Variants in NXN observed in about 807,000 individuals in gnomAD.
NXN encodes the protein nucleoredoxin.
NXN carries 16 observed loss-of-function variants against 48.6 expected under a neutral mutation model. The ratio of observed to expected loss-of-function variants is 0.33; its 90% confidence interval spans 0.22 to 0.50. The LOEUF (loss-of-function observed/expected upper bound fraction) is 0.50. Among genes scored for constraint, NXN ranks in the 20% least tolerant of loss-of-function variants. The pLI is 0.98. For synonymous variants in NXN, 281 were observed against 269.6 expected (o/e 1.04, Z -0.41); for missense variants, 492 against 605.5 (o/e 0.81, Z 1.97).
At chr17:895,379 G>C (rs1342186324) in intron 1 of NXN, among the ~76,000 whole-genome samples, 1 of 151,716 alleles carries the variant, frequency 6.6e-6, no homozygotes, top group East Asian at 1.9e-4. Flanking sequence ...GGTACCCAAA[G>C]AAGCAAAAAA....
intron 1 of NXN, among the ~76,000 whole-genome samples, chr17:951,562 G>A (rs1440026223): frequency 5.3e-5 from 8 of 151,538 alleles, no homozygotes; most frequent in African/African-American, 1.5e-4. Flanking sequence ...GCGAGCTGGG[G>A]GCGGGGGCGG....
chr17:875,085 G>A (rs1410854560), intron 1 of NXN, among the ~76,000 whole-genome samples: 4 of 151,044 alleles, frequency 2.6e-5, no homozygotes, highest in Non-Finnish European at 4.4e-5. Flanking sequence ...AGGCTGGAGC[G>A]CAGTGGCACA....
intron 5 of NXN, among the ~76,000 whole-genome samples, chr17:812,711 T>C (rs914277284): frequency 1.2e-4 from 17 of 139,422 alleles, no homozygotes; most frequent in African/African-American, 3.4e-4. Context: ...GGTGTTTGCA[T>C]GTGAGTGTAG....
In NXN at chr17:947,865, T is replaced by TC. The variant is rs896822154; in HGVS notation, c.360+31453dup. Reference sequence around the variant, plus strand: ...ACCAGTCTGGGCAACACGGTGAAACTCCGTCTCTACTGAAATACAAAAAAA... The same window carrying TC: ...ACCAGTCTGGGCAACACGGTGAAACTCCCGTCTCTACTGAAATACAAAAAAA... On this transcript the variant is annotated intron_variant, in intron 1 of 7. Coordinates refer to ENST00000336868, the MANE Select transcript of NXN (RefSeq NM_022463.5). Among the ~76,000 whole-genome samples the TC allele has an allele frequency of 7.6e-5, 10 of 131,460 alleles. No homozygotes were observed. The East Asian group carries it at 1.1e-3, about 15-fold the overall frequency. The allele number at this position is 131,460 out of a possible 152,430, so 86.2% of individuals were successfully genotyped here.
At chr17:836,617 TC>T (rs1456426169) in intron 1 of NXN, among the ~76,000 whole-genome samples, 2 of 152,148 alleles carry the variant, frequency 1.3e-5, no homozygotes, top group Non-Finnish European at 1.5e-5. Context: ...GCCCGGCTCT[TC>T]CATCTGTTCC....
chr17:948,478 C>T (rs1052588089), intron 1 of NXN, among the ~76,000 whole-genome samples: 1 of 152,050 alleles, frequency 6.6e-6, no homozygotes, highest in Admixed American at 6.5e-5. Flanking sequence ...GGGGTAGGAG[C>T]GGCCCTGGGA....
chr17:947,785 C>A (rs1478990522), intron 1 of NXN, among the ~76,000 whole-genome samples: 1 of 147,888 alleles, frequency 6.8e-6, no homozygotes, highest in Non-Finnish European at 1.5e-5. Flanking sequence ...CGCCTGTAAT[C>A]CTAGCACTTT....
At chr17:811,698 C>T (rs2144599678) in intron 5 of NXN, among the ~76,000 whole-genome samples, 1 of 152,210 alleles carries the variant, frequency 6.6e-6, no homozygotes. Context: ...GCCAGGCCGG[C>T]CTGGGGCCCA....
chr17:959,793 T>TA lies in NXN; in HGVS notation c.360+19525dup, dbSNP rs57208471. Among the ~76,000 whole-genome samples, 361 of 136,188 alleles carry TA rather than the reference T, an allele frequency of 2.7e-3. 3 individuals carry two copies. Among genetic ancestry groups the TA allele is most frequent in the African/African-American group, 9.1e-3 (326 of 35,856 alleles). 89.3% of individuals were successfully genotyped at this position (136,188 alleles called of 152,430 possible). A position where few individuals can be genotyped will look rare whatever the true frequency, so the allele number is the denominator to read the frequency against. Reference sequence around the variant, plus strand: ...TGGGGAACAAGAGCGAGACTCTGTATAAAAAAAAAAAAAACAGGGCTGGGT... The same window carrying TA: ...TGGGGAACAAGAGCGAGACTCTGTATAAAAAAAAAAAAAAACAGGGCTGGGT... On this transcript the variant is annotated intron_variant, in intron 1 of 7. Coordinates refer to ENST00000336868, the MANE Select transcript of NXN (RefSeq NM_022463.5).
At chr17:853,723 ATTTTT>A (rs1221156589) in intron 1 of NXN, among the ~76,000 whole-genome samples, 16 of 106,002 alleles carry the variant, frequency 1.5e-4, no homozygotes, top group African/African-American at 5.6e-4. Flanking sequence ...ATATATATAT[ATTTTT>A]TTTTTTTTTT....
chr17:835,284 G>A (rs1462288089), intron 1 of NXN, among the ~76,000 whole-genome samples: 1 of 146,060 alleles, frequency 6.8e-6, no homozygotes, highest in Non-Finnish European at 1.5e-5. Context: ...CTCCAGCCTG[G>A]AAGACAGACC....
intron 4 of NXN, 87 bp from the exon 5 acceptor site, chr17:819,632 G>C: frequency 2.1e-6 from 2 of 965,450 alleles, no homozygotes; most frequent in South Asian, 3.2e-5. Context: ...GTTCTGCCCA[G>C]GGATTCTGCA....
chr17:807,477 T>C (rs1201234671), intron 5 of NXN, among the ~76,000 whole-genome samples: 1 of 152,100 alleles, frequency 6.6e-6, no homozygotes, highest in Non-Finnish European at 1.5e-5. Flanking sequence ...CGCCTGGGGC[T>C]CTCCGAGGGC....
chr17:882,614 C>T (rs570865408), intron 1 of NXN, among the ~76,000 whole-genome samples: 12 of 152,114 alleles, frequency 7.9e-5, no homozygotes, highest in Non-Finnish European at 1.6e-4. Flanking sequence ...TTCAGGCGCC[C>T]ACCACCATGC....
intron 5 of NXN, among the ~76,000 whole-genome samples, chr17:808,434 C>T (rs952324881): frequency 1.3e-5 from 2 of 151,750 alleles, no homozygotes; most frequent in African/African-American, 2.4e-5. Flanking sequence ...TCCCAAGTAG[C>T]TGGGGTTACA....
chr17:917,995 C>T lies in NXN; in HGVS notation c.360+61324G>A, dbSNP rs1167893839. On this transcript the variant is annotated intron_variant, in intron 1 of 7. Transcript: ENST00000336868. The surrounding 1 kb of genome is among the most constrained non-coding windows in gnomAD (Gnocchi z 4.5). Reference sequence around the variant, plus strand: ...AAGACACATGGCTCACGGCAGGGCCCGGCACATCACAAAAACTCACTCCGT... The same window carrying T: ...AAGACACATGGCTCACGGCAGGGCCTGGCACATCACAAAAACTCACTCCGT... 1.3e-5 allele frequency among the ~76,000 whole-genome samples: 2 copies of T among 152,178 alleles called. No individual in the cohort carries two copies. Among genetic ancestry groups the T allele is most frequent in the Non-Finnish European group, 2.9e-5 (2 of 68,034 alleles).
intron 1 of NXN, among the ~76,000 whole-genome samples, chr17:897,474 G>A (rs1007611037): frequency 1.3e-5 from 2 of 152,194 alleles, no homozygotes; most frequent in Non-Finnish European, 2.9e-5. Context: ...TCAAAAGGCA[G>A]CACGTAAATT....
chr17:887,413 T>A (rs1340990539), intron 1 of NXN, among the ~76,000 whole-genome samples: 1 of 152,024 alleles, frequency 6.6e-6, no homozygotes, highest in East Asian at 1.9e-4. Context: ...GTCACCAACT[T>A]GGGAAGCTGC....
At chr17:855,507 T>C (rs1303421763) in intron 1 of NXN, among the ~76,000 whole-genome samples, 1 of 152,186 alleles carries the variant, frequency 6.6e-6, no homozygotes, top group Non-Finnish European at 1.5e-5. Context: ...CCCAGATTTA[T>C]CTCTTAAGTT....
Sources: allele counts gnomAD v4.1 joint callset (sites outside exome capture counted in the v4.1 genomes callset), GRCh38; gene constraint gnomAD v4.1.1; non-coding constraint Gnocchi (gnomAD v3.1); transcripts MANE v1.5; gene names NCBI Gene and HGNC (gene_info 2026-07-23, HGNC 2026-07-21).